AKR1C4: variants seen among roughly 807,000 people sequenced by gnomAD.
AKR1C4 encodes the protein 3-alpha-HSD1.
In AKR1C4, 44 loss-of-function variants were observed where a neutral mutation model predicts 41.0. The observed-to-expected ratio is 1.07, with a 90% CI of 0.84 to 1.38. The LOEUF is 1.38. AKR1C4 is among the 40% of genes most tolerant of loss of function. The probability of loss-of-function intolerance (pLI) is 0.00; values close to 1 mark genes in which losing one functional copy is unlikely to be tolerated. For missense variants in AKR1C4, 438 were observed against 387.9 expected, an observed-to-expected ratio of 1.13 and a Z score of -1.09; for synonymous variants, 165 against 137.7, an observed-to-expected ratio of 1.20 and a Z score of -1.39.
At chr10:5,212,886 C>G in intron 6 of AKR1C4, 108 bp from the exon 7 acceptor site, 1 of 1,465,598 alleles carries the variant, frequency 6.8e-7, no homozygotes. Flanking sequence ...GTTCAGGGAC[C>G]TCACTTGAGA....
chr10:5,212,873 G>T, intron 6 of AKR1C4, 121 bp from the exon 7 acceptor site: 1 of 1,416,544 alleles, frequency 7.1e-7, no homozygotes, highest in Non-Finnish European at 9.6e-7. Flanking sequence ...TGATGCTGCT[G>T]CTGTTCAGGG....
rs1832572786 is a variant in AKR1C4 at position 5,211,355 on chromosome 10, T to C, written c.571-1261T>C. On this transcript the variant is annotated intron_variant, in intron 5 of 8. Coordinates refer to ENST00000263126, the MANE Select transcript of AKR1C4 (RefSeq NM_001818.5). ...GTTTATGCTGTTTGCCTTTTAAAAC[T>C]GGATGCTTTTAACAGCACCCAAGTC... is the stretch of plus-strand genomic sequence containing the variant. 3.3e-5 allele frequency among the ~76,000 whole-genome samples: 5 copies of C among 152,224 alleles called. No individual in the cohort carries two copies. The East Asian group carries it at 9.6e-4, about 29-fold the overall frequency.
intron 5 of AKR1C4, among the ~76,000 whole-genome samples, chr10:5,210,996 C>T (rs1036860096): frequency 1.3e-5 from 2 of 152,218 alleles, no homozygotes; most frequent in Non-Finnish European, 2.9e-5. Flanking sequence ...CCCTGTGCAG[C>T]CATGGCCTGA....
At chr10:5,198,628 G>A (rs1214022165) in intron 1 of AKR1C4, among the ~76,000 whole-genome samples, 1 of 152,132 alleles carries the variant, frequency 6.6e-6, no homozygotes, top group African/African-American at 2.4e-5. Context: ...ACATCACTGA[G>A]AGACGAATCA....
At position 5,206,303 on chromosome 10, in the gene AKR1C4, T is replaced by C; in HGVS notation, c.476T>C (p.Leu159Ser). 1 of 1,614,100 alleles carries C rather than the reference T, an allele frequency of 6.2e-7. No individual in the cohort carries two copies. The highest frequency in any genetic ancestry group is 1.3e-5 in the African/African-American group (1 of 75,038). ...ATGGAGAAGTGTAAGGATGCAGGAT[T>C]GGCCAAGTCCATCGGGGTGTCAAAC... The part of the protein sequence containing the change: ...EVMEKCKDAG[L>S]AKSIGVSNFN... Residue 159 changes from leucine to serine, a missense_variant, in exon 5 of 9, where the codon TTG becomes TCG. Leu to Ser is a moderately radical substitution (Grantham distance 145). Transcript: ENST00000263126.
chr10:5,199,817 C>G (rs983252969), intron 1 of AKR1C4, among the ~76,000 whole-genome samples: 3 of 152,196 alleles, frequency 2.0e-5, no homozygotes, highest in Non-Finnish European at 4.4e-5. Context: ...TTCCGGTAAA[C>G]CAAAGCAAGA....
chr10:5,204,517 T>G, intron 3 of AKR1C4, 24 bp downstream of exon 3: 1 of 1,481,378 alleles, frequency 6.8e-7, no homozygotes. Context: ...GAGATCAACT[T>G]CTCTTCTGTT....
Position 5,204,433 on chromosome 10 carries a change from G to C in AKR1C4, c.309G>C (p.Leu103=). ...TCCAACCAGCCTTGGAAAGCTCACT[G>C]AAAAAACTTCAACTGGACTATGTTG... ...QMVQPALESS[L]KKLQLDYVDL... The change falls in exon 3 of 9, where the codon CTG becomes CTC. Residue 103 remains leucine, a synonymous_variant. Transcript: ENST00000263126. 1 of 1,613,996 alleles carries C rather than the reference G, an allele frequency of 6.2e-7. No homozygotes were observed. The highest frequency in any genetic ancestry group is 1.3e-5 in the African/African-American group (1 of 75,024).
intron 1 of AKR1C4, 37 bp from the exon 2 acceptor site, chr10:5,200,144 A>G (rs1832374758): frequency 1.3e-6 from 2 of 1,590,950 alleles, no homozygotes; most frequent in Admixed American, 1.7e-5. Context: ...TCTCAAGCAC[A>G]TTGATCACCA....
chr10:5,199,947 A>G (rs1272075440), intron 1 of AKR1C4, among the ~76,000 whole-genome samples: 1 of 152,198 alleles, frequency 6.6e-6, no homozygotes, highest in Non-Finnish European at 1.5e-5. Flanking sequence ...ACCCTGTAAC[A>G]CATGCCCACT....
At chr10:5,209,530 T>C (rs1337200557) in intron 5 of AKR1C4, among the ~76,000 whole-genome samples, 1 of 152,166 alleles carries the variant, frequency 6.6e-6, no homozygotes, top group Non-Finnish European at 1.5e-5. Context: ...ATCACTATAT[T>C]AGTCCATTTT....
chr10:5,213,124 A>G lies in AKR1C4; in HGVS notation c.811A>G (p.Ser271Gly). ...GCGTGGGGTTGTGGTCCTGGCCAAG[A>G]GCTACAATGAGCAGCGGATCAGAGA... ...LQRGVVVLAK[S>G]YNEQRIRENI... The change falls in exon 7 of 9, where the codon AGC becomes GGC. Residue 271 changes from serine (S) to glycine (G), a missense_variant. Coordinates refer to ENST00000263126, the MANE Select transcript of AKR1C4 (RefSeq NM_001818.5). 6.2e-7 allele frequency: 1 copy of G among 1,614,082 alleles called. No homozygotes were observed. The highest frequency in any genetic ancestry group is 8.5e-7 in the Non-Finnish European group (1 of 1,180,024).
chr10:5,212,839 T>A lies in AKR1C4; in HGVS notation c.680+114T>A, dbSNP rs1266922025. 8 of 1,403,200 alleles carry A rather than the reference T, an allele frequency of 5.7e-6. No homozygotes were observed. The African/African-American group carries it at 1.0e-4, about 18-fold the overall frequency. The allele number at this position is 1,403,200 out of a possible 1,614,324, so 86.9% of individuals were successfully genotyped here. The stretch of plus-strand genomic sequence containing the variant: ...CAATGGGTCAGGGTAAGGGGATAAT[T>A]TGCATTTCTTATGAGATACCAGGTG... On this transcript the variant is annotated intron_variant, in intron 6 of 8. Coordinates refer to ENST00000263126, the MANE Select transcript of AKR1C4 (RefSeq NM_001818.5).
chr10:5,203,055 T>A, intron 2 of AKR1C4, among the ~76,000 whole-genome samples: 1 of 151,962 alleles, frequency 6.6e-6, no homozygotes. Context: ...TCCCTCTTTC[T>A]CTGTATTTTT....
chr10:5,201,967 A>G (rs182517083), intron 2 of AKR1C4, among the ~76,000 whole-genome samples: 11 of 152,170 alleles, frequency 7.2e-5, no homozygotes, highest in Admixed American at 7.2e-4. Flanking sequence ...CTAAGTGCCT[A>G]TTTTTTATAC....
At chr10:5,202,934 TTCTTTTGTGTGTGTGTGTGTGTG>T (rs1323314423) in intron 2 of AKR1C4, among the ~76,000 whole-genome samples, 1 of 98,116 alleles carries the variant, frequency 1.0e-5, no homozygotes, top group Non-Finnish European at 2.2e-5. Flanking sequence ...GTCTATAGTT[TTCTTTTGTGTGTGTGTGTGTGTG>T]TGTGTGTGTG....
In AKR1C4 at chr10:5,216,787, T is replaced by C. The variant is rs376557968; in HGVS notation, c.923T>C (p.Met308Thr). Residue 308 changes from methionine (M) to threonine (T), a missense_variant, in exon 8 of 9, where the codon ATG (methionine) becomes ACG (threonine). Transcript: ENST00000263126. ...GLNRNYRYVV[M>T]DFLMDHPDYP... is the part of the protein sequence containing the mutation. Reference sequence around the variant, plus strand: ...AACAGAAATTATCGATATGTTGTCATGGATTTGTAAGTAACTTTGGAAAAT... The same window carrying C: ...AACAGAAATTATCGATATGTTGTCACGGATTTGTAAGTAACTTTGGAAAAT... 114 of 1,606,410 alleles carry C rather than the reference T, an allele frequency of 7.1e-5. No homozygotes were observed. The Admixed American group carries it at 1.2e-3, about 17-fold the overall frequency.
intron 5 of AKR1C4, 23 bp downstream of exon 5, chr10:5,206,420 C>A: frequency 6.2e-7 from 1 of 1,613,880 alleles, no homozygotes; most frequent in Non-Finnish European, 8.5e-7. Context: ...AGCCTCCTCT[C>A]CTTTCTCTTC....
At chr10:5,213,848 T>G (rs538409054) in intron 7 of AKR1C4, among the ~76,000 whole-genome samples, 2 of 152,076 alleles carry the variant, frequency 1.3e-5, no homozygotes, top group African/African-American at 4.8e-5. Flanking sequence ...CAGCTTCAAA[T>G]GTATTGTTGA....
Sources: gnomAD v4.1 joint callset for allele counts (sites outside exome capture counted in the v4.1 genomes callset) on GRCh38, gnomAD v4.1.1 for gene constraint, MANE v1.5 for transcripts, NCBI Gene and HGNC (gene_info 2026-07-23, HGNC 2026-07-21) for gene names.